SEMA3A: variants seen among roughly 807,000 people sequenced by gnomAD.
SEMA3A encodes semaphorin 3A, also known as semaphorin-3A.
SEMA3A carries 29 observed loss-of-function variants against 97.9 expected under a neutral mutation model. That is an observed-to-expected ratio of 0.30 (90% CI 0.22 to 0.40). The LOEUF is 0.40. SEMA3A is among the 10% of genes least tolerant of loss of function. The pLI, the probability that SEMA3A is intolerant of heterozygous loss-of-function variation, is 1.00. For synonymous variants in SEMA3A, 321 were observed against 323.7 expected (o/e 0.99, Z 0.09); for missense variants, 763 against 951.3 (o/e 0.80, Z 2.60).
intron 1 of SEMA3A, among the ~76,000 whole-genome samples, chr7:84,430,964 G>A (rs1057019257): frequency 6.6e-6 from 1 of 151,822 alleles, no homozygotes; most frequent in Admixed American, 6.6e-5. Flanking sequence ...TGAGAGGAAG[G>A]TACACAGATT....
chr7:84,425,408 T>A (rs1804779044), intron 1 of SEMA3A, among the ~76,000 whole-genome samples: 1 of 132,988 alleles, frequency 7.5e-6, no homozygotes, highest in Non-Finnish European at 1.5e-5. Flanking sequence ...CACATAAATA[T>A]ATGCCTATAT....
intron 3 of SEMA3A, among the ~76,000 whole-genome samples, chr7:84,210,197 C>T (rs1446363442): frequency 6.6e-6 from 1 of 152,018 alleles, no homozygotes; most frequent in African/African-American, 2.4e-5. Flanking sequence ...GATGTGATTC[C>T]TGCCCTTGAG....
intron 3 of SEMA3A, among the ~76,000 whole-genome samples, chr7:84,257,086 CA>C (rs1370214118): frequency 6.6e-6 from 1 of 151,946 alleles, no homozygotes; most frequent in Non-Finnish European, 1.5e-5. Flanking sequence ...AGTGTCTCCA[CA>C]ATGTTCCATG....
At chr7:84,066,958 C>T (rs532844016) in intron 4 of SEMA3A, among the ~76,000 whole-genome samples, 9 of 152,084 alleles carry the variant, frequency 5.9e-5, no homozygotes, top group East Asian at 1.9e-4. Flanking sequence ...GAGCCTGCAT[C>T]GCCAAGTCAA....
chr7:83,977,724 A>G (rs1418180212), intron 14 of SEMA3A, among the ~76,000 whole-genome samples: 1 of 151,532 alleles, frequency 6.6e-6, no homozygotes, highest in African/African-American at 2.4e-5. Flanking sequence ...TAATATTAAG[A>G]CTAGAAATTC....
chr7:84,197,395 A>T (rs969815169), upstream of SEMA3A, among the ~76,000 whole-genome samples: 21 of 152,204 alleles, frequency 1.4e-4, no homozygotes, highest in Non-Finnish European at 2.6e-4. Flanking sequence ...TGATTAAATT[A>T]TAAAATACTA....
chr7:83,989,414 C>G (rs897769899), intron 12 of SEMA3A, among the ~76,000 whole-genome samples: 1 of 149,184 alleles, frequency 6.7e-6, no homozygotes, highest in Non-Finnish European at 1.5e-5. Flanking sequence ...TGCACTGCAC[C>G]CACTAACTCG....
At chr7:84,010,276 G>T (rs1359729093) in intron 9 of SEMA3A, among the ~76,000 whole-genome samples, 3 of 152,100 alleles carry the variant, frequency 2.0e-5, no homozygotes, top group Non-Finnish European at 4.4e-5. Context: ...TTAGCTAAAA[G>T]GTTGAGAAGC....
intron 3 of SEMA3A, among the ~76,000 whole-genome samples, chr7:84,224,782 A>G (rs1798952104): frequency 6.6e-6 from 1 of 152,064 alleles, no homozygotes; most frequent in Non-Finnish European, 1.5e-5. Context: ...CCAGTTGAAT[A>G]ACGGTTCTTT....
At chr7:84,004,949 G>C (rs73181988) in intron 11 of SEMA3A, among the ~76,000 whole-genome samples, 7,012 of 152,174 alleles carry the variant, frequency 0.046, 272 homozygotes, top group East Asian at 0.18. Context: ...GGAGAGCAAT[G>C]TCAACTCTTA....
chr7:84,275,971 C>T (rs1006320908), intron 3 of SEMA3A, among the ~76,000 whole-genome samples: 5 of 151,890 alleles, frequency 3.3e-5, no homozygotes, highest in African/African-American at 9.7e-5. Context: ...TTTTATCGGA[C>T]GTTGCTGCTT....
intron 1 of SEMA3A, among the ~76,000 whole-genome samples, chr7:84,394,674 G>T (rs1000947802): frequency 6.6e-6 from 1 of 151,954 alleles, no homozygotes; most frequent in Admixed American, 6.6e-5. Context: ...TAGATGAAAA[G>T]CAATATTCAT....
chr7:84,371,436 A>G (rs1802973790), intron 2 of SEMA3A, among the ~76,000 whole-genome samples: 1 of 151,948 alleles, frequency 6.6e-6, no homozygotes, highest in African/African-American at 2.4e-5. Flanking sequence ...GTAATTTTCT[A>G]ACACAAAATT....
chr7:84,357,061 G>T (rs560627), intron 2 of SEMA3A, among the ~76,000 whole-genome samples: 43,463 of 151,048 alleles, frequency 0.29, 6,722 homozygotes, highest in African/African-American at 0.38. Context: ...CACTAAATAA[G>T]TTGGCACATT....
chr7:84,197,740 T>C (rs1457225611), upstream of SEMA3A, among the ~76,000 whole-genome samples: 1 of 135,960 alleles, frequency 7.4e-6, no homozygotes, highest in Non-Finnish European at 1.5e-5. Flanking sequence ...CTTTTTTTTT[T>C]TTTTTTTTTT....
At chr7:84,429,297 C>A (rs528713122) in intron 1 of SEMA3A, among the ~76,000 whole-genome samples, 1 of 151,412 alleles carries the variant, frequency 6.6e-6, no homozygotes, top group South Asian at 2.1e-4. Context: ...ACAGATACTT[C>A]AAAATTGAAC....
At chr7:84,477,062 T>TAAA (rs1423521163) in intron 1 of SEMA3A, among the ~76,000 whole-genome samples, 2 of 127,440 alleles carry the variant, frequency 1.6e-5, no homozygotes, top group African/African-American at 3.0e-5. Flanking sequence ...ATGTGTTTGT[T>TAAA]AAAAAAAAAA....
intron 1 of SEMA3A, among the ~76,000 whole-genome samples, chr7:84,430,009 T>A (rs1419729629): frequency 1.3e-5 from 2 of 151,906 alleles, no homozygotes; most frequent in African/African-American, 4.8e-5. Flanking sequence ...AAATACACAT[T>A]TATCTTCAAA....
chr7:84,489,067 T>TA (rs2116449645), intron 1 of SEMA3A: 1 of 152,236 alleles, frequency 6.6e-6, no homozygotes, highest in East Asian at 1.9e-4. Flanking sequence ...CAGGATAATT[T>TA]AAAAAGAAAA....
Sources: allele counts gnomAD v4.1 joint callset (sites outside exome capture counted in the v4.1 genomes callset), GRCh38; gene constraint gnomAD v4.1.1; transcripts MANE v1.5; gene names NCBI Gene and HGNC (gene_info 2026-07-23, HGNC 2026-07-21).